Variants in GABRA2 observed in about 807,000 individuals in gnomAD.
GABRA2 encodes the protein gamma-aminobutyric acid receptor subunit alpha-2.
A neutral mutation model predicts 48.7 loss-of-function variants in GABRA2; 16 were observed. That is an observed-to-expected ratio of 0.33 (90% CI 0.22 to 0.50). The LOEUF is 0.50. GABRA2 is among the 20% of genes least tolerant of loss of function. The pLI is 0.98. For missense variants in GABRA2, 275 were observed against 535.6 expected, an observed-to-expected ratio of 0.51 and a Z score of 4.80; for synonymous variants, 185 against 184.5, an observed-to-expected ratio of 1.00 and a Z score of -0.02.
rs1356507816 is a variant in GABRA2 at position 46,245,006 on chromosome 4, A to T, written c.*5302T>A. On this transcript the variant is annotated 3_prime_UTR_variant, in exon 10 of 10. Coordinates refer to ENST00000381620, the MANE Select transcript of GABRA2 (RefSeq NM_000807.4). ...TTGAATTAAAGCAAAGAAAAAACAC[A>T]GGTTTTTGGTTTTTTTGTTGTTTTT... 1.1e-4 allele frequency among the ~76,000 whole-genome samples: 17 copies of T among 151,320 alleles called. No homozygotes were observed. The highest frequency in any genetic ancestry group is 2.5e-4 in the Non-Finnish European group (17 of 67,544).
At chr4:46,334,478 T>TA (rs1731879414) in intron 3 of GABRA2, among the ~76,000 whole-genome samples, 1 of 152,090 alleles carries the variant, frequency 6.6e-6, no homozygotes, top group South Asian at 2.1e-4. Flanking sequence ...GAAGAGAAAT[T>TA]AAAATGTGAA....
Position 46,303,301 on chromosome 4 carries a change from T to TGTTA in GABRA2, c.856+155_856+158dup. On this transcript the variant is annotated intron_variant, in intron 8 of 9. Coordinates refer to ENST00000381620, the MANE Select transcript of GABRA2 (RefSeq NM_000807.4). ...ATCCCTTATTAACAGTGTAGCACTA[T>TGTTA]GTTACCACTCTGAGCCTACTTCTTC... The TGTTA allele has an allele frequency of 7.5e-6, 5 of 665,934 alleles. No individual in the cohort carries two copies. In the South Asian group the frequency reaches 8.8e-5, roughly 12 times the overall value. 41.3% of individuals were successfully genotyped at this position (665,934 alleles called of 1,614,324 possible). A position where few individuals can be genotyped will look rare whatever the true frequency, so the allele number is the denominator to read the frequency against.
At chr4:46,261,432 T>G (rs1052187554) in intron 9 of GABRA2, 3 of 161,360 alleles carry the variant, frequency 1.9e-5, no homozygotes, top group African/African-American at 7.2e-5. Flanking sequence ...AGCCTGGAAT[T>G]CTATAATAAG....
At chr4:46,283,179 T>G (rs1261979973) in intron 8 of GABRA2, among the ~76,000 whole-genome samples, 1 of 152,190 alleles carries the variant, frequency 6.6e-6, no homozygotes, top group African/African-American at 2.4e-5. Context: ...GATTCTCCAG[T>G]TGTAAGACCA....
At position 46,322,318 on chromosome 4, in the gene GABRA2, C is replaced by A. The variant is rs553699739; in HGVS notation, c.256-9602G>T. ...GAAAGGGAGTTTGAAATAATAAAAT[C>A]TTGCTGATTTCAGTCACCTGAATCT... On this transcript the variant is annotated intron_variant, in intron 4 of 9. Coordinates refer to ENST00000381620, the MANE Select transcript of GABRA2 (RefSeq NM_000807.4). 3.9e-5 allele frequency among the ~76,000 whole-genome samples: 6 copies of A among 151,986 alleles called. No individual in the cohort carries two copies. The East Asian group carries it at 5.8e-4, about 15-fold the overall frequency.
intron 3 of GABRA2, among the ~76,000 whole-genome samples, chr4:46,342,254 A>G (rs569856858): frequency 4.9e-4 from 75 of 152,198 alleles, no homozygotes; most frequent in Admixed American, 9.8e-4. Context: ...GGTTAATTTC[A>G]AGAGTACTGA....
At chr4:46,351,134 C>T (rs1735056901) in intron 3 of GABRA2, among the ~76,000 whole-genome samples, 1 of 151,278 alleles carries the variant, frequency 6.6e-6, no homozygotes, top group Non-Finnish European at 1.5e-5. Context: ...AAAAGGAAGA[C>T]GGGGGGCTAT....
At chr4:46,286,333 T>C (rs1722536007) in intron 8 of GABRA2, among the ~76,000 whole-genome samples, 1 of 152,126 alleles carries the variant, frequency 6.6e-6, no homozygotes, top group South Asian at 2.1e-4. Flanking sequence ...TATACTATAT[T>C]TTGTACATTC....
At chr4:46,386,293 T>G in intron 2 of GABRA2, 104 bp from the exon 3 acceptor site, 1 of 655,646 alleles carries the variant, frequency 1.5e-6, no homozygotes, top group Non-Finnish European at 2.6e-6. Context: ...CCTGAGCTAT[T>G]AGTACCACCC....
intron 8 of GABRA2, among the ~76,000 whole-genome samples, chr4:46,289,702 A>G (rs993654417): frequency 2.0e-5 from 3 of 152,084 alleles, no homozygotes; most frequent in Admixed American, 1.3e-4. Context: ...AACATAAATA[A>G]AAGTTACATT....
intron 3 of GABRA2, among the ~76,000 whole-genome samples, chr4:46,333,398 G>C (rs1251969661): frequency 2.6e-5 from 4 of 151,970 alleles, no homozygotes; most frequent in African/African-American, 9.7e-5. Flanking sequence ...AAGCCAAATA[G>C]TGATGGGGAA....
intron 3 of GABRA2, among the ~76,000 whole-genome samples, chr4:46,382,955 G>T (rs1263662928): frequency 2.0e-5 from 3 of 152,172 alleles, no homozygotes; most frequent in African/African-American, 7.2e-5. Context: ...AAATCAAATT[G>T]AGCCCATTTT....
chr4:46,383,835 T>G (rs1411170878), intron 3 of GABRA2, among the ~76,000 whole-genome samples: 1 of 152,016 alleles, frequency 6.6e-6, no homozygotes, highest in South Asian at 2.1e-4. Flanking sequence ...GCCAAAGGAA[T>G]AGATGAGAAT....
At chr4:46,281,419 C>T (rs1279829738) in intron 8 of GABRA2, among the ~76,000 whole-genome samples, 1 of 151,924 alleles carries the variant, frequency 6.6e-6, no homozygotes, top group African/African-American at 2.4e-5. Context: ...TATTTAGGGG[C>T]TCTGGGAAAA....
intron 3 of GABRA2, among the ~76,000 whole-genome samples, chr4:46,345,968 C>G (rs1734077262): frequency 6.6e-6 from 1 of 151,896 alleles, no homozygotes; most frequent in African/African-American, 2.4e-5. Flanking sequence ...GATGACTTCC[C>G]TTGAAGATCA....
chr4:46,334,639 G>A (rs1321810896), intron 3 of GABRA2, among the ~76,000 whole-genome samples: 1 of 152,164 alleles, frequency 6.6e-6, no homozygotes, highest in Non-Finnish European at 1.5e-5. Flanking sequence ...AGTAAAGGGT[G>A]AAGGGGTATC....
intron 3 of GABRA2, among the ~76,000 whole-genome samples, chr4:46,360,410 C>T (rs1312249500): frequency 6.6e-6 from 1 of 152,146 alleles, no homozygotes; most frequent in Non-Finnish European, 1.5e-5. Flanking sequence ...GTTTTAAAAA[C>T]AGGAGTTTCC....
chr4:46,306,710 A>G (rs1390189385), intron 6 of GABRA2, among the ~76,000 whole-genome samples: 2 of 152,148 alleles, frequency 1.3e-5, no homozygotes, highest in Admixed American at 6.5e-5. Context: ...AAGGGAGAGA[A>G]AGGGCCAGTT....
chr4:46,336,308 T>A (rs1732228273), intron 3 of GABRA2, among the ~76,000 whole-genome samples: 1 of 152,148 alleles, frequency 6.6e-6, no homozygotes, highest in African/African-American at 2.4e-5. Flanking sequence ...CCATTTCCAT[T>A]GACAAAGGCA....
Sources: gnomAD v4.1 joint callset for allele counts (sites outside exome capture counted in the v4.1 genomes callset) on GRCh38, gnomAD v4.1.1 for gene constraint, MANE v1.5 for transcripts, NCBI Gene and HGNC (gene_info 2026-07-23, HGNC 2026-07-21) for gene names.